Variants in KCNQ1 observed in about 807,000 individuals in gnomAD.
KCNQ1 encodes the protein potassium voltage-gated channel subfamily KQT member 1.
KCNQ1 carries 49 observed loss-of-function variants against 72.4 expected under a neutral mutation model. The observed-to-expected ratio is 0.68, with a 90% CI of 0.54 to 0.86. The LOEUF (loss-of-function observed/expected upper bound fraction) is 0.86. KCNQ1 is among the 40% of genes least tolerant of loss of function. The probability of loss-of-function intolerance (pLI) is 0.00; values close to 1 mark genes in which losing one functional copy is unlikely to be tolerated. For missense variants in KCNQ1, 790 were observed against 945.1 expected (o/e 0.84, Z 2.15); for synonymous variants, 450 against 412.6 (o/e 1.09, Z -1.10).
Position 2,621,072 on chromosome 11 carries a change from G to A in KCNQ1, c.1393+32218G>A. 2.5e-6 allele frequency: 1 copy of A among 397,100 alleles called. No homozygotes were observed. Among genetic ancestry groups the A allele is most frequent in the Non-Finnish European group, 4.4e-6 (1 of 225,784 alleles). 24.6% of individuals were successfully genotyped at this position (397,100 alleles called of 1,614,324 possible). On this transcript the variant is annotated intron_variant, in intron 10 of 15. Transcript: ENST00000155840. This position sits in a 1 kb window ranked among gnomAD's most constrained non-coding sequence, Gnocchi z 5.7. ...GGCTCACTGCAACCTCCACCTCCTG[G>A]GTTCAAGCAATTCTCCTGTCTCAGA...
At chr11:2,716,312 T>C (rs1450927627) in intron 11 of KCNQ1, among the ~76,000 whole-genome samples, 3 of 152,144 alleles carry the variant, frequency 2.0e-5, no homozygotes, top group African/African-American at 7.2e-5. Flanking sequence ...GCATCAGATG[T>C]GCTGCGGCTC....
At chr11:2,733,774 C>CACACACACACACACACACACA (rs1845891956) in intron 11 of KCNQ1, among the ~76,000 whole-genome samples, 10 of 57,490 alleles carry the variant, frequency 1.7e-4, no homozygotes, top group South Asian at 7.9e-4. Flanking sequence ...TTCAGGCCTT[C>CACACACACACACACACACACA]CACACACACA....
rs896642373 is a variant in KCNQ1 at position 2,507,790 on chromosome 11, G to A, written c.387-20138G>A. On this transcript the variant is annotated intron_variant, in intron 1 of 15. Coordinates refer to ENST00000155840, the MANE Select transcript of KCNQ1 (RefSeq NM_000218.3). This position sits in a 1 kb window ranked among gnomAD's most constrained non-coding sequence, Gnocchi z 5.4. ...CCTCCTGTAGCCTGGGTGGGTGGAA[G>A]GGCAGAGGGCAAGGGCCAAGTGATG... is the stretch of plus-strand genomic sequence containing the variant. 1.3e-5 allele frequency among the ~76,000 whole-genome samples: 2 copies of A among 152,096 alleles called. No individual in the cohort carries two copies. Among genetic ancestry groups the A allele is most frequent in the African/African-American group, 4.8e-5 (2 of 41,402 alleles).
chr11:2,686,221 G>A, intron 11 of KCNQ1: 1 of 398,756 alleles, frequency 2.5e-6, no homozygotes, highest in Non-Finnish European at 4.4e-6. Flanking sequence ...CTAGCTGTGT[G>A]ACCTTTAGGC....
chr11:2,541,748 G>C lies in KCNQ1; in HGVS notation c.477+13730G>C, dbSNP rs1847828472. On this transcript the variant is annotated intron_variant, in intron 2 of 15. Transcript: ENST00000155840. This position sits in a 1 kb window ranked among gnomAD's most constrained non-coding sequence, Gnocchi z 4.8. ...TGAGGACATCTGTTAGACCACTTAG[G>C]AGTTCTAGAACCTTTGGAAAACCCC... Among the ~76,000 whole-genome samples, 1 of 151,174 alleles carries C rather than the reference G, an allele frequency of 6.6e-6. No homozygotes were observed. Among genetic ancestry groups the C allele is most frequent in the Non-Finnish European group, 1.5e-5 (1 of 67,866 alleles).
At chr11:2,843,470 C>A (rs760935351) in intron 15 of KCNQ1, among the ~76,000 whole-genome samples, 5 of 152,220 alleles carry the variant, frequency 3.3e-5, no homozygotes, top group Non-Finnish European at 7.4e-5. Flanking sequence ...TTAGACACTG[C>A]CCAACAAGGA....
rs759611758 is a variant in KCNQ1 at position 2,670,604 on chromosome 11, CA to C, written c.1514+8525del. 38 of 398,288 alleles carry C rather than the reference CA, an allele frequency of 9.5e-5. No individual in the cohort carries two copies. Among genetic ancestry groups the C allele is most frequent in the Non-Finnish European group, 1.5e-4 (35 of 226,072 alleles). The allele number at this position is 398,288 out of a possible 1,614,324, so 24.7% of individuals were successfully genotyped here. A position where few individuals can be genotyped will look rare whatever the true frequency, so the allele number is the denominator to read the frequency against. On this transcript the variant is annotated intron_variant, in intron 11 of 15. Coordinates refer to ENST00000155840, the MANE Select transcript of KCNQ1 (RefSeq NM_000218.3). This position sits in a 1 kb window ranked among gnomAD's most constrained non-coding sequence, Gnocchi z 4.9. ...AAGCCAGGGCTCATTCCCAGACACA[CA>C]ATCTCTGGGGGAGCCTGGATATGCA... is the stretch of plus-strand genomic sequence containing the variant.
rs1411247978 is a variant in KCNQ1 at position 2,481,525 on chromosome 11, A to T, written c.386+36041A>T. 1.3e-5 allele frequency among the ~76,000 whole-genome samples: 2 copies of T among 152,318 alleles called. No homozygotes were observed. Among genetic ancestry groups the T allele is most frequent in the Admixed American group, 6.5e-5 (1 of 15,296 alleles). On this transcript the variant is annotated intron_variant, in intron 1 of 15. Coordinates refer to ENST00000155840, the MANE Select transcript of KCNQ1 (RefSeq NM_000218.3). The surrounding 1 kb of genome is among the most constrained non-coding windows in gnomAD (Gnocchi z 4.6). ...CCCAACCCCCAGGCCATGAAGCACTACCAGTCCATGGCCTGTTAGGAACCA... is the reference window on the plus strand; with the variant it reads ...CCCAACCCCCAGGCCATGAAGCACTTCCAGTCCATGGCCTGTTAGGAACCA...
chr11:2,609,977 C>T (rs1589979960), intron 10 of KCNQ1: 1 of 397,742 alleles, frequency 2.5e-6, no homozygotes, highest in Admixed American at 4.4e-5. Flanking sequence ...TAATTCCTGC[C>T]TTTGATTAGA....
Position 2,809,412 on chromosome 11 carries a change from G to A in KCNQ1, c.1794+31375G>A, listed in dbSNP as rs1011651851. Among the ~76,000 whole-genome samples, 39 of 152,182 alleles carry A rather than the reference G, an allele frequency of 2.6e-4. No homozygotes were observed. Among genetic ancestry groups the A allele is most frequent in the African/African-American group, 9.4e-4 (39 of 41,432 alleles). On this transcript the variant is annotated intron_variant, in intron 15 of 15. Coordinates refer to ENST00000155840, the MANE Select transcript of KCNQ1 (RefSeq NM_000218.3). This position sits in a 1 kb window ranked among gnomAD's most constrained non-coding sequence, Gnocchi z 7.1. ...AACCCCGCCCCCGCAGCCTCCTGGT[G>A]CAGCACGTGTTCATTTATGGGTTGT...
At position 2,713,872 on chromosome 11, in the gene KCNQ1, G is replaced by A. The variant is rs1474291459; in HGVS notation, c.1514+51791G>A. 2.0e-5 allele frequency among the ~76,000 whole-genome samples: 3 copies of A among 152,230 alleles called. No homozygotes were observed. Among genetic ancestry groups the A allele is most frequent in the Non-Finnish European group, 2.9e-5 (2 of 68,042 alleles). ...ATTGCTTCCAGATGGGCAAACGCGC[G>A]CTCGGAGCCTGGCCCTGCAGACACG... On this transcript the variant is annotated intron_variant, in intron 11 of 15. Transcript: ENST00000155840. The surrounding 1 kb of genome is among the most constrained non-coding windows in gnomAD (Gnocchi z 5.6).
chr11:2,842,246 C>A (rs971643766), intron 15 of KCNQ1, among the ~76,000 whole-genome samples: 7 of 150,490 alleles, frequency 4.7e-5, no homozygotes, highest in Non-Finnish European at 8.8e-5. Context: ...GGCCAAGACT[C>A]ACACACAGCC....
intron 11 of KCNQ1, chr11:2,699,775 C>G (rs868699206): frequency 1.3e-5 from 5 of 397,822 alleles, no homozygotes; most frequent in African/African-American, 2.1e-5. Flanking sequence ...TGAGGAGCCC[C>G]GAGGAGAACC....
At chr11:2,556,831 T>TAA (rs1740418385) in intron 2 of KCNQ1, among the ~76,000 whole-genome samples, 1 of 152,118 alleles carries the variant, frequency 6.6e-6, no homozygotes, top group South Asian at 2.1e-4. Context: ...AAATGAGAGT[T>TAA]CAGTGACATC....
rs1849596401 is a variant in KCNQ1 at position 2,642,561 on chromosome 11, C to CT, written c.1394-19396dup. Reference sequence around the variant, plus strand: ...GATTTTATTCATGTAGGTCTTCTCTCTTTTCTTCTTGGATAGTTTAGCCAC... The same window carrying CT: ...GATTTTATTCATGTAGGTCTTCTCTCTTTTTCTTCTTGGATAGTTTAGCCAC... On this transcript the variant is annotated intron_variant, in intron 10 of 15. Coordinates refer to ENST00000155840, the MANE Select transcript of KCNQ1 (RefSeq NM_000218.3). This position sits in a 1 kb window ranked among gnomAD's most constrained non-coding sequence, Gnocchi z 4.3. 1 of 397,728 alleles carries CT rather than the reference C, an allele frequency of 2.5e-6. No homozygotes were observed. Among genetic ancestry groups the CT allele is most frequent in the Admixed American group, 4.4e-5 (1 of 22,694 alleles). 24.6% of individuals were successfully genotyped at this position (397,728 alleles called of 1,614,324 possible). A position where few individuals can be genotyped will look rare whatever the true frequency, so the allele number is the denominator to read the frequency against.
chr11:2,756,830 A>G (rs1016064433), intron 11 of KCNQ1, among the ~76,000 whole-genome samples: 3 of 152,088 alleles, frequency 2.0e-5, no homozygotes, highest in Non-Finnish European at 1.5e-5. Context: ...GACATTTTAT[A>G]AGAAAATTAT....
intron 11 of KCNQ1, chr11:2,666,203 A>G (rs1399424227): frequency 1.0e-5 from 4 of 398,470 alleles, no homozygotes; most frequent in African/African-American, 8.2e-5. Flanking sequence ...CCCACTCTCC[A>G]GAGGGACACT....
chr11:2,795,434 C>T (rs748847847), intron 15 of KCNQ1, among the ~76,000 whole-genome samples: 3 of 152,232 alleles, frequency 2.0e-5, no homozygotes, highest in African/African-American at 4.8e-5. Flanking sequence ...AGCTGTGAGC[C>T]GAGGGGCTCC....
At position 2,509,979 on chromosome 11, in the gene KCNQ1, G is replaced by T. The variant is rs541536484; in HGVS notation, c.387-17949G>T. The stretch of plus-strand genomic sequence containing the variant: ...GACTTTGGTTTCCTGGTGTTTAAAG[G>T]CTAATTGGGATCGGTCGTGGTGCCT... On this transcript the variant is annotated intron_variant, in intron 1 of 15. Coordinates refer to ENST00000155840, the MANE Select transcript of KCNQ1 (RefSeq NM_000218.3). This position sits in a 1 kb window ranked among gnomAD's most constrained non-coding sequence, Gnocchi z 6.3. Among the ~76,000 whole-genome samples, 7 of 152,272 alleles carry T rather than the reference G, an allele frequency of 4.6e-5. No individual in the cohort carries two copies. Among genetic ancestry groups the T allele is most frequent in the Non-Finnish European group, 7.3e-5 (5 of 68,028 alleles).
Sources: allele counts gnomAD v4.1 joint callset (sites outside exome capture counted in the v4.1 genomes callset), GRCh38; gene constraint gnomAD v4.1.1; non-coding constraint Gnocchi (gnomAD v3.1); transcripts MANE v1.5; gene names NCBI Gene and HGNC (gene_info 2026-07-23, HGNC 2026-07-21).